WDR49: variants seen among roughly 807,000 people sequenced by gnomAD.
WDR49 encodes the protein cilia- and flagella-associated protein 337.
WDR49 carries 107 observed loss-of-function variants against 119.5 expected under a neutral mutation model. The ratio of observed to expected loss-of-function variants is 0.90; its 90% confidence interval spans 0.77 to 1.05. The LOEUF (loss-of-function observed/expected upper bound fraction) is 1.05. Among genes scored for constraint, WDR49 ranks in the 50% least tolerant of loss-of-function variants. The pLI is 0.00. For missense variants in WDR49, 1,240 were observed against 1,220.5 expected (o/e 1.02, Z -0.24); for synonymous variants, 425 against 418.8 (o/e 1.01, Z -0.18).
chr3:167,568,228 C>A (rs572100409), intron 8 of WDR49, among the ~76,000 whole-genome samples: 94 of 152,284 alleles, frequency 6.2e-4, no homozygotes, highest in African/African-American at 2.1e-3. Context: ...TCTTGATTGG[C>A]AGAATCTGCT....
intron 16 of WDR49, among the ~76,000 whole-genome samples, chr3:167,521,980 A>AGAT (rs1337884787): frequency 2.0e-4 from 25 of 126,142 alleles, no homozygotes; most frequent in African/African-American, 6.6e-4. Flanking sequence ...ATAGATAGAT[A>AGAT]GATAGATAGA....
intron 18 of WDR49, among the ~76,000 whole-genome samples, chr3:167,485,143 T>C (rs981551000): frequency 3.3e-5 from 5 of 151,922 alleles, no homozygotes; most frequent in African/African-American, 1.2e-4. Flanking sequence ...AGTTGAACAA[T>C]GAGAACACAT....
At chr3:167,567,486 T>A (rs1713675339) in intron 8 of WDR49, among the ~76,000 whole-genome samples, 1 of 152,204 alleles carries the variant, frequency 6.6e-6, no homozygotes, top group Non-Finnish European at 1.5e-5. Flanking sequence ...GTGGACACAG[T>A]TTTCTTCAGC....
At chr3:167,568,944 A>AT (rs35071885) in intron 8 of WDR49, among the ~76,000 whole-genome samples, 33,800 of 145,384 alleles carry the variant, frequency 0.23, 3,870 homozygotes, top group South Asian at 0.3. Flanking sequence ...ACTACAGTTA[A>AT]TTTTTTTTTT....
chr3:167,527,891 T>C lies in WDR49; in HGVS notation c.2533A>G (p.Ile845Val), dbSNP rs1752693044. The change falls in exon 15 of 19, where the codon ATC becomes GTC. Residue 845 changes from isoleucine (I) to valine (V), a missense_variant. By Grantham distance (29) the Ile-to-Val change is conservative. Transcript: ENST00000682715. ...ATACTGCAGTCTGCAGAGGAGGAGA[T>C]AATCAGTAACTGACCACCTGGCTCA... ...MCEPGGQLLI[I>V]SSSADCSICV... 1.2e-6 allele frequency: 2 copies of C among 1,613,154 alleles called. No individual in the cohort carries two copies. Among genetic ancestry groups the C allele is most frequent in the African/African-American group, 1.3e-5 (1 of 74,876 alleles).
In WDR49 at chr3:167,571,320, T is replaced by C. The variant is rs563476054; in HGVS notation, c.1509+4598A>G. Among the ~76,000 whole-genome samples the C allele has an allele frequency of 2.0e-5, 3 of 152,216 alleles. No homozygotes were observed. The East Asian group carries it at 5.8e-4, about 29-fold the overall frequency. On this transcript the variant is annotated intron_variant, in intron 8 of 18. Coordinates refer to ENST00000682715, the MANE Select transcript of WDR49 (RefSeq NM_001366157.1). Reference sequence around the variant, plus strand: ...AGCCAGGTGAGCACTGTCTGACCTATCTCTTCATGTAACCAAGTATGTGAT... The same window carrying C: ...AGCCAGGTGAGCACTGTCTGACCTACCTCTTCATGTAACCAAGTATGTGAT...
intron 9 of WDR49, among the ~76,000 whole-genome samples, chr3:167,559,804 G>A (rs1160467218): frequency 6.6e-6 from 1 of 151,994 alleles, no homozygotes; most frequent in African/African-American, 2.4e-5. Flanking sequence ...ACTGAAAAGG[G>A]GGCTTTCTGA....
intron 2 of WDR49, among the ~76,000 whole-genome samples, chr3:167,644,924 G>T (rs1010156392): frequency 1.3e-5 from 2 of 151,588 alleles, no homozygotes; most frequent in Admixed American, 6.6e-5. Flanking sequence ...AACAAGTTTG[G>T]GTGCCTTTTC....
intron 7 of WDR49, among the ~76,000 whole-genome samples, chr3:167,601,917 A>C (rs1050383478): frequency 6.6e-6 from 1 of 152,156 alleles, no homozygotes; most frequent in Admixed American, 6.5e-5. Flanking sequence ...GAAAAAATTT[A>C]ATGAAATACT....
At chr3:167,484,709 G>T (rs1212955628) in intron 18 of WDR49, among the ~76,000 whole-genome samples, 1 of 146,060 alleles carries the variant, frequency 6.8e-6, no homozygotes, top group East Asian at 2.0e-4. Flanking sequence ...AAAAAAAAGT[G>T]ATGTGTTCTT....
chr3:167,524,837 C>T (rs1475757783), intron 15 of WDR49, among the ~76,000 whole-genome samples: 1 of 152,042 alleles, frequency 6.6e-6, no homozygotes, highest in Non-Finnish European at 1.5e-5. Flanking sequence ...TGTCAGGTAG[C>T]ATGATGTCTC....
intron 7 of WDR49, 46 bp from the exon 8 acceptor site, chr3:167,576,197 G>A (rs1014020693): frequency 4.5e-6 from 7 of 1,548,772 alleles, no homozygotes; most frequent in Non-Finnish European, 6.2e-6. Flanking sequence ...AAAGATAATT[G>A]TAATCTTTTA....
intron 18 of WDR49, among the ~76,000 whole-genome samples, chr3:167,485,123 C>T (rs1321690910): frequency 6.6e-6 from 1 of 152,082 alleles, no homozygotes; most frequent in Non-Finnish European, 1.5e-5. Flanking sequence ...TGTTCTCACT[C>T]ATAAGTCGGA....
chr3:167,566,561 AT>A (rs1713612026), intron 8 of WDR49, among the ~76,000 whole-genome samples: 1 of 152,166 alleles, frequency 6.6e-6, no homozygotes, highest in Non-Finnish European at 1.5e-5. Context: ...TTACATATCT[AT>A]TTCAAAGAAT....
Position 167,535,497 on chromosome 3 carries a change from C to T in WDR49, c.1954+1373G>A, listed in dbSNP as rs1023211487. ...AACAGACATACGAAAAAATGTTCAA[C>T]ATCACTGATTATCAGGGAAATACAA... On this transcript the variant is annotated intron_variant, in intron 11 of 18. Transcript: ENST00000682715. 2.0e-5 allele frequency among the ~76,000 whole-genome samples: 3 copies of T among 152,114 alleles called. No homozygotes were observed. The South Asian group carries it at 6.2e-4, about 32-fold the overall frequency.
At chr3:167,537,635 C>T (rs1466273708) in intron 10 of WDR49, among the ~76,000 whole-genome samples, 1 of 152,078 alleles carries the variant, frequency 6.6e-6, no homozygotes, top group East Asian at 1.9e-4. Context: ...TCTGGCACTG[C>T]TGATAAATTT....
At chr3:167,657,518 A>G (rs575872474), upstream of WDR49, among the ~76,000 whole-genome samples, 5 of 151,686 alleles carry the variant, frequency 3.3e-5, no homozygotes, top group South Asian at 1.0e-3. Context: ...AGTTATGATC[A>G]TTAGCCCCAT....
intron 7 of WDR49, among the ~76,000 whole-genome samples, chr3:167,580,489 A>T (rs1250402204): frequency 6.6e-6 from 1 of 152,172 alleles, no homozygotes; most frequent in Non-Finnish European, 1.5e-5. Flanking sequence ...GGGCTCAGAC[A>T]TTAGTTTTTT....
Position 167,532,989 on chromosome 3 carries a change from AGGATGGAGAATATAAATTGC to A in WDR49, c.1955-32_1955-13del, listed in dbSNP as rs1560272306. On this transcript the variant is annotated splice_polypyrimidine_tract_variant and intron_variant, in intron 11 of 18. Transcript: ENST00000682715. ...TCCATCATAACTCCCTACACAAGAC[AGGATGGAGAATATAAATTGC>A]CAGGAGATTAAGATAGAAAATATGA... 1 of 1,534,114 alleles carries A rather than the reference AGGATGGAGAATATAAATTGC, an allele frequency of 6.5e-7. No homozygotes were observed.
Sources: allele counts gnomAD v4.1 joint callset (sites outside exome capture counted in the v4.1 genomes callset), GRCh38; gene constraint gnomAD v4.1.1; transcripts MANE v1.5; gene names NCBI Gene and HGNC (gene_info 2026-07-23, HGNC 2026-07-21).